FNBP1: variants seen among roughly 807,000 people sequenced by gnomAD.
The protein encoded by FNBP1 is formin-binding protein 1.
Under a neutral mutation model 90.6 loss-of-function variants are expected in FNBP1, and 26 were observed. The observed-to-expected ratio is 0.29, with a 90% CI of 0.21 to 0.40. The LOEUF (loss-of-function observed/expected upper bound fraction) is 0.40, where lower values mean the gene tolerates loss of function less well. Ranked by LOEUF, FNBP1 falls within the 10% of genes least tolerant of loss-of-function variation. The probability of loss-of-function intolerance (pLI) is 1.00; values close to 1 mark genes in which losing one functional copy is unlikely to be tolerated. For missense variants in FNBP1, 635 were observed against 768.0 expected (o/e 0.83, Z 2.05); for synonymous variants, 260 against 265.2 (o/e 0.98, Z 0.19).
chr9:130,048,955 T>C, the FNBP1 span, among the ~76,000 whole-genome samples: 1 of 150,920 alleles, frequency 6.6e-6, no homozygotes, highest in Non-Finnish European at 1.5e-5. Context: ...TAGTATTTTG[T>C]ATTTTTAGTA....
intron 15 of FNBP1, among the ~76,000 whole-genome samples, chr9:129,898,687 A>C (rs1391879309): frequency 1.3e-5 from 2 of 151,916 alleles, no homozygotes; most frequent in Non-Finnish European, 2.9e-5. Flanking sequence ...ATGGGGTTTC[A>C]CCATGTTGGC....
At chr9:129,980,079 G>A (rs149521491) in intron 2 of FNBP1, among the ~76,000 whole-genome samples, 323 of 150,762 alleles carry the variant, frequency 2.1e-3, no homozygotes, top group African/African-American at 7.5e-3. Flanking sequence ...TCAGAGTGCC[G>A]GCCGGGCACA....
chr9:129,917,355 T>G (rs997172039), intron 10 of FNBP1, among the ~76,000 whole-genome samples: 1 of 152,030 alleles, frequency 6.6e-6, no homozygotes, highest in African/African-American at 2.4e-5. Context: ...TGCTGATTTT[T>G]GGTTTTGTTT....
chr9:129,893,901 C>T (rs2035387397), intron 16 of FNBP1, among the ~76,000 whole-genome samples: 1 of 117,896 alleles, frequency 8.5e-6, no homozygotes, highest in Non-Finnish European at 1.6e-5. Flanking sequence ...GGCGACAGAG[C>T]GAGACTCCAT....
chr9:130,028,830 G>T (rs1039399730), intron 1 of FNBP1, among the ~76,000 whole-genome samples: 3 of 152,120 alleles, frequency 2.0e-5, no homozygotes, highest in Non-Finnish European at 4.4e-5. Flanking sequence ...TAGCTTTCTG[G>T]TTATCCAAAT....
At chr9:129,934,514 C>T (rs1223481583) in intron 6 of FNBP1, among the ~76,000 whole-genome samples, 1 of 152,026 alleles carries the variant, frequency 6.6e-6, no homozygotes, top group Non-Finnish European at 1.5e-5. Context: ...TTGGGAATCT[C>T]CCTCAAATAA....
intron 4 of FNBP1, among the ~76,000 whole-genome samples, chr9:129,962,813 G>T (rs2048020716): frequency 6.6e-6 from 1 of 152,148 alleles, no homozygotes; most frequent in South Asian, 2.1e-4. Flanking sequence ...CCAAGGACAG[G>T]GTTAGGGAAA....
At chr9:129,985,798 A>G (rs112648526) in intron 2 of FNBP1, among the ~76,000 whole-genome samples, 68 of 152,012 alleles carry the variant, frequency 4.5e-4, no homozygotes, top group South Asian at 8.3e-4. Context: ...CCCCGTCTCT[A>G]CTAAAAATAC....
chr9:129,949,057 T>C (rs1036706844), intron 6 of FNBP1, among the ~76,000 whole-genome samples: 1 of 152,156 alleles, frequency 6.6e-6, no homozygotes, highest in African/African-American at 2.4e-5. Flanking sequence ...GTCCACCTCG[T>C]TGAAAGGGCA....
chr9:129,920,156 T>C (rs570163655), intron 10 of FNBP1, among the ~76,000 whole-genome samples: 18 of 152,318 alleles, frequency 1.2e-4, no homozygotes, highest in African/African-American at 4.3e-4. Context: ...AAACACATCA[T>C]TTGGGAAATT....
chr9:129,900,127 C>A lies in FNBP1; in HGVS notation c.1551-26G>T. On this transcript the variant is annotated intron_variant, in intron 14 of 16. Coordinates refer to ENST00000446176, the MANE Select transcript of FNBP1 (RefSeq NM_015033.3). This position sits in a 1 kb window ranked among gnomAD's most constrained non-coding sequence, Gnocchi z 4.1. Reference sequence around the variant, plus strand: ...CTGCTCAAGAAAGGAAAACACAAAGCAACTAAAGCGACTGACCCCAGGGAG... The same window carrying A: ...CTGCTCAAGAAAGGAAAACACAAAGAAACTAAAGCGACTGACCCCAGGGAG... 6.3e-7 allele frequency: 1 copy of A among 1,576,316 alleles called. No homozygotes were observed. The highest frequency in any genetic ancestry group is 1.2e-5 in the South Asian group (1 of 85,628).
At chr9:129,932,776 G>A (rs1357204895) in intron 6 of FNBP1, among the ~76,000 whole-genome samples, 42 of 151,746 alleles carry the variant, frequency 2.8e-4, no homozygotes, top group Admixed American at 2.7e-3. Context: ...TATTAGTCTA[G>A]CCCCAAAATG....
chr9:130,040,427 T>C (rs2059718502), intron 1 of FNBP1, among the ~76,000 whole-genome samples: 2 of 152,256 alleles, frequency 1.3e-5, no homozygotes, highest in Admixed American at 1.3e-4. Flanking sequence ...GAGACCAGCC[T>C]GGCCAACACG....
intron 1 of FNBP1, among the ~76,000 whole-genome samples, chr9:129,997,883 CT>C (rs2054236426): frequency 6.6e-6 from 1 of 151,900 alleles, no homozygotes; most frequent in South Asian, 2.1e-4. Flanking sequence ...ACACCCTTTC[CT>C]TTATTTAAAA....
intron 6 of FNBP1, among the ~76,000 whole-genome samples, chr9:129,943,775 G>A (rs759242429): frequency 3.3e-5 from 5 of 151,932 alleles, no homozygotes; most frequent in East Asian, 2.0e-4. Flanking sequence ...GGAGGATCAC[G>A]AGGTCAGGAG....
At chr9:130,023,327 T>A (rs1428573594) in intron 1 of FNBP1, among the ~76,000 whole-genome samples, 1 of 152,194 alleles carries the variant, frequency 6.6e-6, no homozygotes, top group Admixed American at 6.5e-5. Context: ...CAATTCCCCT[T>A]CTTTAACAGA....
chr9:129,964,575 G>A (rs1420145114), intron 4 of FNBP1, among the ~76,000 whole-genome samples: 1 of 149,940 alleles, frequency 6.7e-6, no homozygotes, highest in Non-Finnish European at 1.5e-5. Flanking sequence ...AAATTTCCCA[G>A]TGAACAGAGG....
intron 1 of FNBP1, among the ~76,000 whole-genome samples, chr9:130,026,439 A>C (rs1355855787): frequency 1.3e-5 from 2 of 152,184 alleles, no homozygotes; most frequent in Non-Finnish European, 2.9e-5. Context: ...GGTTGCAGTG[A>C]GCAGAGATCA....
In FNBP1 at chr9:129,903,134, C is replaced by A. The variant is rs529046399; in HGVS notation, c.1296-133G>T. ...TGCAACGATCTTGGCTCACTGCAAC[C>A]TTCACCTCCAGGGTTCAAGCAATTC... On this transcript the variant is annotated intron_variant, in intron 12 of 16. Coordinates refer to ENST00000446176, the MANE Select transcript of FNBP1 (RefSeq NM_015033.3). 7 of 817,046 alleles carry A rather than the reference C, an allele frequency of 8.6e-6. No individual in the cohort carries two copies. The South Asian group carries it at 1.3e-4, about 15-fold the overall frequency. 50.6% of individuals were successfully genotyped at this position (817,046 alleles called of 1,614,324 possible).
Sources: allele counts gnomAD v4.1 joint callset (sites outside exome capture counted in the v4.1 genomes callset), GRCh38; gene constraint gnomAD v4.1.1; non-coding constraint Gnocchi (gnomAD v3.1); transcripts MANE v1.5; gene names NCBI Gene and HGNC (gene_info 2026-07-23, HGNC 2026-07-21).